The following ATP6V1E2 variants were observed in gnomAD, a reference collection of about 807,000 sequenced individuals.
ATP6V1E2 encodes the protein V-type proton ATPase subunit E 2.
For synonymous variants in ATP6V1E2, 121 were observed against 104.2 expected (o/e 1.16, Z -0.98); for missense variants, 308 against 273.3 (o/e 1.13, Z -0.90).
Position 46,512,969 on chromosome 2 carries a change from G to C in ATP6V1E2, c.-101-157C>G, listed in dbSNP as rs117537151. On this transcript the variant is annotated intron_variant, in intron 4 of 4. Transcript: ENST00000522587. ...GTTATACTCTAGAAGAATGAGACTT[G>C]AACCAGGATCTCCAGAATTCTATCC... Among the ~76,000 whole-genome samples, 8 of 152,272 alleles carry C rather than the reference G, an allele frequency of 5.3e-5. No individual in the cohort carries two copies. In the East Asian group the frequency reaches 9.6e-4, roughly 18 times the overall value.
chr2:46,517,419 C>A (rs1285523813), intron 4 of ATP6V1E2, among the ~76,000 whole-genome samples: 1 of 152,156 alleles, frequency 6.6e-6, no homozygotes, highest in African/African-American at 2.4e-5. Context: ...TAACACTGGT[C>A]TTGCCAATGA....
chr2:46,529,520 C>A (rs563323400), intron 4 of ATP6V1E2, among the ~76,000 whole-genome samples: 1 of 152,256 alleles, frequency 6.6e-6, no homozygotes, highest in Non-Finnish European at 1.5e-5. Flanking sequence ...TTTGGAAGGC[C>A]AAGGCAGGAG....
At position 46,530,776 on chromosome 2, in the gene ATP6V1E2, G is replaced by A. The variant is rs376969441; in HGVS notation, c.-102+5037C>T. ...AGAAAGCAAAGGGGAAGCAAGACAC[G>A]TCTTACATGGCAGCAGGCAAGAGAA... On this transcript the variant is annotated intron_variant, in intron 4 of 4. Transcript: ENST00000522587. This position sits in a 1 kb window ranked among gnomAD's most constrained non-coding sequence, Gnocchi z 5.2. Among the ~76,000 whole-genome samples the A allele has an allele frequency of 1.1e-4, 16 of 152,314 alleles. No individual in the cohort carries two copies. Among genetic ancestry groups the A allele is most frequent in the Middle Eastern group, 3.4e-3 (1 of 294 alleles).
intron 4 of ATP6V1E2, among the ~76,000 whole-genome samples, chr2:46,525,461 C>CAAAAAAAAAAAAAAA (rs57428249): frequency 7.1e-5 from 4 of 56,714 alleles, no homozygotes; most frequent in East Asian, 6.6e-4. Context: ...GACTCCGTCT[C>CAAAAAAAAAAAAAAA]AAAAAAAAAA....
At chr2:46,532,150 G>A (rs1354579037) in intron 4 of ATP6V1E2, among the ~76,000 whole-genome samples, 2 of 152,264 alleles carry the variant, frequency 1.3e-5, no homozygotes, top group East Asian at 3.9e-4. Context: ...CTTAGCTCAT[G>A]TCTTTTGGTT....
intron 4 of ATP6V1E2, among the ~76,000 whole-genome samples, chr2:46,518,544 C>T (rs1666424585): frequency 1.4e-5 from 2 of 147,454 alleles, no homozygotes; most frequent in Non-Finnish European, 3.0e-5. Context: ...CCCAGAAACC[C>T]GTACCACTTC....
chr2:46,534,210 G>A (rs1406724425), intron 4 of ATP6V1E2: 1 of 152,158 alleles, frequency 6.6e-6, no homozygotes, highest in Non-Finnish European at 1.5e-5. Flanking sequence ...GGTGACTGAG[G>A]CTCTGTGTTT....
intron 4 of ATP6V1E2, among the ~76,000 whole-genome samples, chr2:46,526,198 C>A (rs974915906): frequency 4.0e-5 from 6 of 151,364 alleles, no homozygotes; most frequent in African/African-American, 1.5e-4. Flanking sequence ...TCACTACAAC[C>A]CCCGCCTCCT....
rs941241204 is a variant in ATP6V1E2, at chr2:46,537,506, G to C, written c.-309-803C>G. 67 of 152,226 alleles carry C rather than the reference G, an allele frequency of 4.4e-4. 1 individual carries two copies. The highest frequency in any genetic ancestry group is 1.3e-3 in the African/African-American group (55 of 41,522). 9.4% of individuals were successfully genotyped at this position (152,226 alleles called of 1,614,324 possible). On this transcript the variant is annotated intron_variant, in intron 2 of 4. Transcript: ENST00000522587. ...TATATGGATGGTGATGCCTGGACTT[G>C]GTGCAACCATTTTGCTTCCAGGAAA...
At chr2:46,516,745 A>T (rs1025653594) in intron 4 of ATP6V1E2, among the ~76,000 whole-genome samples, 1 of 152,140 alleles carries the variant, frequency 6.6e-6, no homozygotes, top group African/African-American at 2.4e-5. Flanking sequence ...TATATTAAAA[A>T]AAAAAACTCT....
At chr2:46,522,365 T>C (rs745599974) in intron 4 of ATP6V1E2, among the ~76,000 whole-genome samples, 1 of 151,766 alleles carries the variant, frequency 6.6e-6, no homozygotes, top group Non-Finnish European at 1.5e-5. Flanking sequence ...GCTGCACTTA[T>C]TGACCCATCC....
chr2:46,532,941 A>G (rs1667250669), intron 4 of ATP6V1E2, among the ~76,000 whole-genome samples: 1 of 152,114 alleles, frequency 6.6e-6, no homozygotes, highest in African/African-American at 2.4e-5. Flanking sequence ...TTATAAGAAT[A>G]TAGTTCTATT....
rs145338501 is a variant in ATP6V1E2, at chr2:46,512,303, G to A, written c.409C>T (p.Arg137Trp). 2.9e-4 allele frequency: 470 copies of A among 1,611,234 alleles called. 1 individual carries two copies. The African/African-American group carries it at 5.4e-3, about 19-fold the overall frequency. The part of the protein sequence containing the change: ...LLEPVMIVRC[R>W]PQDLLLVEAA... ...TCCACCAGGAGGAGGTCTTGTGGCC[G>A]GCAGCGTACAATCATCACAGGTTCC... The change falls in exon 5 of 5, where the codon CGG (arginine) becomes TGG (tryptophan). Residue 137 changes from arginine to tryptophan, a missense_variant. By Grantham distance (101) the Arg-to-Trp change is moderately radical (BLOSUM62 -3). Coordinates refer to ENST00000522587, the MANE Select transcript of ATP6V1E2 (RefSeq NM_001318063.2).
At position 46,530,123 on chromosome 2, in the gene ATP6V1E2, G is replaced by T. The variant is rs896187992; in HGVS notation, c.-102+5690C>A. Among the ~76,000 whole-genome samples the T allele has an allele frequency of 3.3e-5, 5 of 152,080 alleles. No individual in the cohort carries two copies. Among genetic ancestry groups the T allele is most frequent in the African/African-American group, 1.2e-4 (5 of 41,390 alleles). ...AAGGTCTCAGGATCACTCAATTCAG[G>T]CCACAACTGCACATCTCCAGAATGC... On this transcript the variant is annotated intron_variant, in intron 4 of 4. Transcript: ENST00000522587. The surrounding 1 kb of genome is among the most constrained non-coding windows in gnomAD (Gnocchi z 5.2).
chr2:46,537,714 G>A (rs1667519733), intron 2 of ATP6V1E2: 1 of 152,048 alleles, frequency 6.6e-6, no homozygotes, highest in Non-Finnish European at 1.5e-5. Flanking sequence ...AATTTTCTAT[G>A]ACTTGCAACC....
At chr2:46,523,590 A>G (rs1363616463) in intron 4 of ATP6V1E2, among the ~76,000 whole-genome samples, 2 of 152,052 alleles carry the variant, frequency 1.3e-5, no homozygotes, top group African/African-American at 4.8e-5. Context: ...ATTGGCCTAT[A>G]TGTCTGTTTT....
At chr2:46,536,404 G>A (rs952985490) in intron 3 of ATP6V1E2, among the ~76,000 whole-genome samples, 1 of 152,200 alleles carries the variant, frequency 6.6e-6, no homozygotes, top group African/African-American at 2.4e-5. Flanking sequence ...AGAAGAGGGT[G>A]CCAATGGGAG....
chr2:46,540,900 G>C (rs1667724604), intron 2 of ATP6V1E2, among the ~76,000 whole-genome samples: 1 of 152,146 alleles, frequency 6.6e-6, no homozygotes, highest in South Asian at 2.1e-4. Context: ...TCGGACATCA[G>C]TTCCCCACTG....
At chr2:46,527,517 G>A (rs555060352) in intron 4 of ATP6V1E2, among the ~76,000 whole-genome samples, 149 of 152,138 alleles carry the variant, frequency 9.8e-4, no homozygotes, top group African/African-American at 3.3e-3. Context: ...TACCGCGCCC[G>A]GCTAGTCCAA....
Sources: allele counts gnomAD v4.1 joint callset (sites outside exome capture counted in the v4.1 genomes callset), GRCh38; gene constraint gnomAD v4.1.1; non-coding constraint Gnocchi (gnomAD v3.1); transcripts MANE v1.5; gene names NCBI Gene and HGNC (gene_info 2026-07-23, HGNC 2026-07-21).